S100Z: variants seen among roughly 807,000 people sequenced by gnomAD.
S100Z encodes the protein S100 calcium binding protein Z.
Under a neutral mutation model 8.5 loss-of-function variants are expected in S100Z, and 11 were observed. The observed-to-expected ratio is 1.30, with a 90% CI of 0.82 to 2.15. The LOEUF is 2.15. S100Z is among the 30% of genes most tolerant of loss of function. S100Z has a pLI of 0.00. For missense variants in S100Z, 126 were observed against 117.9 expected (o/e 1.07, Z -0.32); for synonymous variants, 34 against 43.8 (o/e 0.78, Z 0.89).
intron 1 of S100Z, among the ~76,000 whole-genome samples, chr5:76,851,602 A>G (rs189015493): frequency 4.7e-5 from 7 of 148,376 alleles, no homozygotes; most frequent in African/African-American, 1.7e-4. Flanking sequence ...TGGAGCAGCA[A>G]AAAAAGGGGA....
intron 4 of S100Z, among the ~76,000 whole-genome samples, chr5:76,885,215 G>C (rs1030811965): frequency 6.6e-6 from 1 of 152,196 alleles, no homozygotes; most frequent in African/African-American, 2.4e-5. Context: ...AGGAGGAATG[G>C]AGGGTAGAAG....
chr5:76,923,565 A>C (rs1321091458), downstream of S100Z, among the ~76,000 whole-genome samples: 1 of 152,126 alleles, frequency 6.6e-6, no homozygotes, highest in Non-Finnish European at 1.5e-5. Flanking sequence ...ACCAAGACAA[A>C]TGCAAGATAC....
the S100Z span, among the ~76,000 whole-genome samples, chr5:76,936,629 A>ACG: frequency 0.012 from 1,620 of 136,542 alleles, 22 homozygotes; most frequent in African/African-American, 0.041. Context: ...ACACACACAC[A>ACG]CACACACACA....
the S100Z span, among the ~76,000 whole-genome samples, chr5:76,936,018 C>A: frequency 6.6e-6 from 1 of 152,170 alleles, no homozygotes; most frequent in African/African-American, 2.4e-5. Flanking sequence ...CTCAGGTGAT[C>A]TGCCCACCTC....
chr5:76,922,715 G>C (rs1745070269), downstream of S100Z, among the ~76,000 whole-genome samples: 1 of 152,048 alleles, frequency 6.6e-6, no homozygotes, highest in Non-Finnish European at 1.5e-5. Flanking sequence ...AGTAGAGATG[G>C]GGTTTCACCG....
chr5:76,876,371 AT>A lies in S100Z; in HGVS notation c.141+884del, dbSNP rs796432506. Among the ~76,000 whole-genome samples the A allele has an allele frequency of 5.0e-3, 701 of 141,098 alleles. 1 individual carries two copies. Among genetic ancestry groups the A allele is most frequent in the African/African-American group, 0.013 (488 of 38,832 alleles). 92.6% of individuals were successfully genotyped at this position (141,098 alleles called of 152,430 possible). A position where few individuals can be genotyped will look rare whatever the true frequency, so the allele number is the denominator to read the frequency against. On this transcript the variant is annotated intron_variant, in intron 3 of 4. Coordinates refer to ENST00000317593, the MANE Select transcript of S100Z (RefSeq NM_130772.4). Reference sequence around the variant, plus strand: ...TCCTCTCATTCCGTTTGGCTACTGTATTTTTTTTTTTTTCGGAGATGGAGTC... The same window carrying A: ...TCCTCTCATTCCGTTTGGCTACTGTATTTTTTTTTTTTCGGAGATGGAGTC...
intron 4 of S100Z, among the ~76,000 whole-genome samples, chr5:76,913,391 A>T (rs1005725644): frequency 3.9e-5 from 6 of 152,384 alleles, no homozygotes; most frequent in Admixed American, 2.0e-4. Flanking sequence ...TTGTAAAATC[A>T]GAGTTAGGAA....
At chr5:76,948,200 C>T in the S100Z span, among the ~76,000 whole-genome samples, 1 of 150,294 alleles carries the variant, frequency 6.7e-6, no homozygotes, top group East Asian at 1.9e-4. Flanking sequence ...GTGGTGCACA[C>T]CTGTAATCCC....
At chr5:76,864,386 A>ATTTTTTTTTTTTTTTTTTT (rs56206322) in intron 1 of S100Z, among the ~76,000 whole-genome samples, 2 of 72,124 alleles carry the variant, frequency 2.8e-5, no homozygotes, top group Non-Finnish European at 5.1e-5. Flanking sequence ...TGCATACTAT[A>ATTTTTTTTTTTTTTTTTTT]TTTTTTTTTT....
intron 4 of S100Z, among the ~76,000 whole-genome samples, chr5:76,888,501 A>T (rs1743735026): frequency 6.9e-6 from 1 of 145,514 alleles, no homozygotes; most frequent in South Asian, 2.2e-4. Context: ...TCAGCCTCCC[A>T]AGTATCTGGG....
At chr5:76,865,650 C>T (rs1751248464) in intron 1 of S100Z, among the ~76,000 whole-genome samples, 1 of 151,666 alleles carries the variant, frequency 6.6e-6, no homozygotes, top group Non-Finnish European at 1.5e-5. Flanking sequence ...TACAGCTGTA[C>T]AGTGTGAGTT....
At position 76,869,630 on chromosome 5, in the gene S100Z, G is replaced by C. The variant is rs571776265; in HGVS notation, c.-175-536G>C. 2.0e-5 allele frequency among the ~76,000 whole-genome samples: 3 copies of C among 152,256 alleles called. No homozygotes were observed. The South Asian group carries it at 6.2e-4, about 32-fold the overall frequency. On this transcript the variant is annotated intron_variant, in intron 1 of 4. Coordinates refer to ENST00000317593, the MANE Select transcript of S100Z (RefSeq NM_130772.4). ...GGAGGGGCATGGTAGAAAGTAGAAA[G>C]AGCAGTAAGGAAGCCACTGCAGTAA...
chr5:76,908,517 C>A (rs990359093), intron 4 of S100Z, among the ~76,000 whole-genome samples: 1 of 152,176 alleles, frequency 6.6e-6, no homozygotes, highest in Non-Finnish European at 1.5e-5. Context: ...GTATAAACTT[C>A]AGGACTCTGT....
downstream of S100Z, among the ~76,000 whole-genome samples, chr5:76,923,749 G>A (rs541708617): frequency 2.6e-5 from 4 of 152,250 alleles, no homozygotes; most frequent in South Asian, 2.1e-4. Context: ...TCTGTGGACC[G>A]GCAGCATTAG....
chr5:76,886,833 G>T (rs1743656865), intron 4 of S100Z, among the ~76,000 whole-genome samples: 1 of 149,838 alleles, frequency 6.7e-6, no homozygotes, highest in African/African-American at 2.4e-5. Flanking sequence ...CCTTCTTAAG[G>T]GTTGGGGCGA....
chr5:76,948,448 T>C, the S100Z span, among the ~76,000 whole-genome samples: 3 of 152,160 alleles, frequency 2.0e-5, no homozygotes, highest in African/African-American at 7.2e-5. Flanking sequence ...AAGTGGTTAA[T>C]ATCCAAAATA....
At chr5:76,905,489 C>T (rs1366536739) in intron 4 of S100Z, among the ~76,000 whole-genome samples, 7 of 151,892 alleles carry the variant, frequency 4.6e-5, no homozygotes, top group African/African-American at 7.3e-5. Flanking sequence ...TTCGGTTCAT[C>T]GCAAGCTCCA....
chr5:76,862,927 T>C (rs1751108324), intron 1 of S100Z, among the ~76,000 whole-genome samples: 1 of 152,226 alleles, frequency 6.6e-6, no homozygotes, highest in Non-Finnish European at 1.5e-5. Context: ...GTGACTTCCT[T>C]ACTCTGTTCT....
intron 2 of S100Z, among the ~76,000 whole-genome samples, chr5:76,872,213 C>A (rs1462128117): frequency 6.6e-6 from 1 of 151,728 alleles, no homozygotes; most frequent in Non-Finnish European, 1.5e-5. Context: ...CACCACTGCA[C>A]TCCAGTCTGG....
Sources: allele counts gnomAD v4.1 joint callset (sites outside exome capture counted in the v4.1 genomes callset), GRCh38; gene constraint gnomAD v4.1.1; transcripts MANE v1.5; gene names NCBI Gene and HGNC (gene_info 2026-07-23, HGNC 2026-07-21).